Variants in MACROD2 observed in about 807,000 individuals in gnomAD.
MACROD2 encodes mono-ADP ribosylhydrolase 2.
In MACROD2, 36 loss-of-function variants were observed where a neutral mutation model predicts 70.4. The ratio of observed to expected loss-of-function variants is 0.51; its 90% CI spans 0.39 to 0.68. MACROD2 has a LOEUF of 0.68. Among genes scored for constraint, MACROD2 ranks in the 30% least tolerant of loss-of-function variants. The pLI is 0.00. For synonymous variants in MACROD2, 172 were observed against 178.8 expected (o/e 0.96, Z 0.30); for missense variants, 496 against 538.4 (o/e 0.92, Z 0.78).
chr20:14,724,914 A>C (rs562470896), intron 5 of MACROD2, among the ~76,000 whole-genome samples: 2 of 152,076 alleles, frequency 1.3e-5, no homozygotes, highest in Admixed American at 1.3e-4. Flanking sequence ...TTGTGTGGAG[A>C]ATGGAATGTA....
At chr20:15,377,181 C>G (rs941450079) in intron 6 of MACROD2, among the ~76,000 whole-genome samples, 3 of 152,154 alleles carry the variant, frequency 2.0e-5, no homozygotes, top group Non-Finnish European at 4.4e-5. Flanking sequence ...TAAGCCACCA[C>G]GTCAGGCCTC....
intron 10 of MACROD2, among the ~76,000 whole-genome samples, chr20:15,894,206 G>T (rs1016347037): frequency 6.6e-6 from 1 of 152,198 alleles, no homozygotes; most frequent in African/African-American, 2.4e-5. Flanking sequence ...TGAGTGCCGG[G>T]GCTTCCGGTG....
At chr20:15,036,568 C>G (rs573736043) in intron 5 of MACROD2, among the ~76,000 whole-genome samples, 1 of 152,138 alleles carries the variant, frequency 6.6e-6, no homozygotes, top group African/African-American at 2.4e-5. Context: ...ATCATAATCA[C>G]GCACTCATCT....
chr20:14,288,934 C>G (rs916194772), intron 3 of MACROD2, among the ~76,000 whole-genome samples: 1 of 152,184 alleles, frequency 6.6e-6, no homozygotes, highest in Non-Finnish European at 1.5e-5. Flanking sequence ...CAGACTTTAC[C>G]TGACCCTTGA....
chr20:15,088,450 TA>T (rs1312249049), intron 5 of MACROD2, among the ~76,000 whole-genome samples: 28 of 81,670 alleles, frequency 3.4e-4, no homozygotes, highest in African/African-American at 1.4e-3. Flanking sequence ...TATATATATA[TA>T]ATATTTTGTG....
At chr20:15,501,713 A>G (rs2047367103) in intron 8 of MACROD2, among the ~76,000 whole-genome samples, 2 of 152,236 alleles carry the variant, frequency 1.3e-5, no homozygotes, top group Admixed American at 1.3e-4. Context: ...CTTTTAAAAA[A>G]GACCCCTAGT....
At chr20:14,441,362 A>G (rs1417190719) in intron 3 of MACROD2, among the ~76,000 whole-genome samples, 1 of 152,196 alleles carries the variant, frequency 6.6e-6, no homozygotes, top group Admixed American at 6.5e-5. Flanking sequence ...CAAGATGGCA[A>G]GAACAACTGC....
chr20:15,396,021 A>G (rs1054970589), intron 6 of MACROD2, among the ~76,000 whole-genome samples: 3 of 152,230 alleles, frequency 2.0e-5, no homozygotes, highest in African/African-American at 7.2e-5. Context: ...CAAGGAGGGA[A>G]TCACTGGCAG....
chr20:14,428,263 G>C (rs911993180), intron 3 of MACROD2, among the ~76,000 whole-genome samples: 1 of 151,842 alleles, frequency 6.6e-6, no homozygotes, highest in Non-Finnish European at 1.5e-5. Context: ...TTAAAATCTT[G>C]GTATTCTAAT....
intron 5 of MACROD2, among the ~76,000 whole-genome samples, chr20:14,851,472 C>T (rs1427344616): frequency 3.9e-5 from 6 of 152,140 alleles, no homozygotes; most frequent in Non-Finnish European, 5.9e-5. Flanking sequence ...TTGAAAATTC[C>T]TGGTAGATGG....
At chr20:14,526,831 A>C (rs2085239672) in intron 4 of MACROD2, among the ~76,000 whole-genome samples, 1 of 151,984 alleles carries the variant, frequency 6.6e-6, no homozygotes. Flanking sequence ...CAGTGGGCTG[A>C]AGCCCCAGTG....
At chr20:15,854,000 C>T (rs930784546) in intron 8 of MACROD2, among the ~76,000 whole-genome samples, 7 of 152,188 alleles carry the variant, frequency 4.6e-5, no homozygotes, top group Admixed American at 1.3e-4. Context: ...GAGGGAACTG[C>T]GTGGGAGGCT....
intron 5 of MACROD2, among the ~76,000 whole-genome samples, chr20:14,975,477 G>T (rs557636314): frequency 4.6e-5 from 7 of 152,106 alleles, no homozygotes; most frequent in Non-Finnish European, 8.8e-5. Context: ...GAGGGAAGGC[G>T]CAGGGAAGCA....
intron 9 of MACROD2, among the ~76,000 whole-genome samples, chr20:15,879,699 C>T (rs954186973): frequency 7.9e-5 from 12 of 152,024 alleles, no homozygotes; most frequent in Non-Finnish European, 1.6e-4. Flanking sequence ...AGAAAATGAA[C>T]ATATATTAAA....
intron 3 of MACROD2, among the ~76,000 whole-genome samples, chr20:14,240,688 T>C (rs2081921191): frequency 6.6e-6 from 1 of 152,062 alleles, no homozygotes; most frequent in Admixed American, 6.5e-5. Context: ...CAGGCCTACT[T>C]GAGGGCAGAA....
chr20:15,616,799 A>C (rs1452871068), intron 8 of MACROD2, among the ~76,000 whole-genome samples: 1 of 152,170 alleles, frequency 6.6e-6, no homozygotes. Flanking sequence ...GTCACTGAAA[A>C]TCCTGAAATT....
At position 15,274,093 on chromosome 20, in the gene MACROD2, G is replaced by C. The variant is rs149370506; in HGVS notation, c.540+44032G>C. 4.0e-3 allele frequency among the ~76,000 whole-genome samples: 607 copies of C among 152,298 alleles called. 9 individuals are homozygous for C. The highest frequency in any genetic ancestry group is 4.5e-3 in the Non-Finnish European group (307 of 68,026). On this transcript the variant is annotated intron_variant, in intron 6 of 17. Coordinates refer to ENST00000684519, the MANE Select transcript of MACROD2 (RefSeq NM_001351661.2). ...ATGAAGCAGCATTGCCTCATGACTG[G>C]TAAGAATAAGAAGACATGGGGAAAG...
At chr20:15,234,593 C>T (rs1345458128) in intron 6 of MACROD2, among the ~76,000 whole-genome samples, 1 of 152,060 alleles carries the variant, frequency 6.6e-6, no homozygotes, top group Non-Finnish European at 1.5e-5. Flanking sequence ...CATAGTCAGA[C>T]CAGTGAAATC....
intron 5 of MACROD2, among the ~76,000 whole-genome samples, chr20:15,005,914 T>A (rs1435671246): frequency 6.6e-6 from 1 of 152,160 alleles, no homozygotes; most frequent in Non-Finnish European, 1.5e-5. Context: ...ATTTTGCCTC[T>A]TATGATTTAA....
Sources: gnomAD v4.1 joint callset for allele counts (sites outside exome capture counted in the v4.1 genomes callset) on GRCh38, gnomAD v4.1.1 for gene constraint, MANE v1.5 for transcripts, NCBI Gene and HGNC (gene_info 2026-07-23, HGNC 2026-07-21) for gene names.